HNRNPUL1: variants seen among roughly 807,000 people sequenced by gnomAD.
The protein encoded by HNRNPUL1 is heterogeneous nuclear ribonucleoprotein U-like protein 1.
HNRNPUL1 carries 14 observed loss-of-function variants against 108.5 expected under a neutral mutation model. The ratio of observed to expected loss-of-function variants is 0.13; its 90% CI spans 0.09 to 0.20. The LOEUF (loss-of-function observed/expected upper bound fraction) is 0.20, where lower values mean the gene tolerates loss of function less well. HNRNPUL1 is among the 10% of genes least tolerant of loss of function. The pLI, the probability that HNRNPUL1 is intolerant of heterozygous loss-of-function variation, is 1.00. For missense variants in HNRNPUL1, 804 were observed against 1,168.3 expected (o/e 0.69, Z 4.55); for synonymous variants, 422 against 445.2 (o/e 0.95, Z 0.66).
chr19:41,288,189 C>T (rs1246102284), intron 7 of HNRNPUL1, among the ~76,000 whole-genome samples: 1 of 112,730 alleles, frequency 8.9e-6, no homozygotes, highest in Non-Finnish European at 1.8e-5. Flanking sequence ...CCCACTGGTA[C>T]TCGGGGTTTC....
chr19:41,280,930 T>C (rs1472293528), intron 6 of HNRNPUL1: 2 of 489,762 alleles, frequency 4.1e-6, no homozygotes, highest in Non-Finnish European at 3.7e-6. Flanking sequence ...TGCAGAGTTA[T>C]TCAGTTGAGC....
intron 7 of HNRNPUL1, among the ~76,000 whole-genome samples, chr19:41,282,885 G>A (rs1486635458): frequency 3.3e-5 from 5 of 150,994 alleles, no homozygotes; most frequent in African/African-American, 1.2e-4. Context: ...TAGTAGAGAC[G>A]GGGTTTCACC....
intron 7 of HNRNPUL1, among the ~76,000 whole-genome samples, chr19:41,281,914 C>G (rs1460260292): frequency 6.6e-6 from 1 of 152,182 alleles, no homozygotes; most frequent in Non-Finnish European, 1.5e-5. Context: ...TCAGTTCCCT[C>G]TAAATGAGAA....
In HNRNPUL1 at chr19:41,272,209, G is replaced by T; in HGVS notation, c.546G>T (p.Gly182=). ...CTTATGAAGAAAACCGGGGACGGGG[G>T]TACTTTGAGCACCGAGAGGATAGGA... is the stretch of plus-strand genomic sequence containing the variant. ...KRPYEENRGR[G]YFEHREDRRG... The change falls in exon 3 of 15, where the codon GGG becomes GGT. Residue 182 remains glycine (G), a synonymous_variant. Transcript: ENST00000392006. 1 of 1,613,874 alleles carries T rather than the reference G, an allele frequency of 6.2e-7. No individual in the cohort carries two copies. The highest frequency in any genetic ancestry group is 8.5e-7 in the Non-Finnish European group (1 of 1,179,946).
rs536359509 is a variant in HNRNPUL1 at position 41,270,166 on chromosome 19, A to G, written c.418+1821A>G. Among the ~76,000 whole-genome samples, 309 of 152,146 alleles carry G rather than the reference A, an allele frequency of 2.0e-3. 3 individuals carry two copies. Among genetic ancestry groups the G allele is most frequent in the African/African-American group, 7.0e-3 (291 of 41,514 alleles). The stretch of plus-strand genomic sequence containing the variant: ...CCTGGCTAATTTTTGTATTTTCAGT[A>G]GTGACGGGGTTTTACCATGTTGGCC... On this transcript the variant is annotated intron_variant, in intron 2 of 14. Coordinates refer to ENST00000392006, the MANE Select transcript of HNRNPUL1 (RefSeq NM_007040.6).
intron 10 of HNRNPUL1, among the ~76,000 whole-genome samples, chr19:41,301,306 A>G (rs2037197497): frequency 6.6e-6 from 1 of 152,238 alleles, no homozygotes. Context: ...AGTCCCAACC[A>G]TTAGGAATCC....
intron 13 of HNRNPUL1, 116 bp downstream of exon 13, chr19:41,304,377 A>C: frequency 6.7e-7 from 1 of 1,485,522 alleles, no homozygotes; most frequent in Non-Finnish European, 9.0e-7. Flanking sequence ...ACTGGTCTTC[A>C]CTCTAACCTC....
chr19:41,299,249 G>A (rs566601254), intron 10 of HNRNPUL1, among the ~76,000 whole-genome samples: 1 of 152,120 alleles, frequency 6.6e-6, no homozygotes, highest in Admixed American at 6.5e-5. Flanking sequence ...ATCCTCCTTC[G>A]TGAGGGTAGG....
At chr19:41,305,254 A>G (rs1042649861) in intron 13 of HNRNPUL1, among the ~76,000 whole-genome samples, 2 of 152,202 alleles carry the variant, frequency 1.3e-5, no homozygotes, top group East Asian at 3.8e-4. Flanking sequence ...AATTGCCACT[A>G]CTGTTTCTCA....
chr19:41,279,099 A>T lies in HNRNPUL1; in HGVS notation c.809A>T (p.Lys270Met). 2 of 1,614,006 alleles carry T rather than the reference A, an allele frequency of 1.2e-6. No homozygotes were observed. The highest frequency in any genetic ancestry group is 1.7e-6 in the Non-Finnish European group (2 of 1,179,978). ...CAGATCAATGAGGAAATCTCCGTGA[A>T]GCACCTTCCGTCTACAGAGCCTGAC... Reference protein sequence around the residue: ...EMKINEEISVKHLPSTEPDPH... With the variant: ...EMKINEEISVMHLPSTEPDPH... Residue 270 changes from lysine to methionine, a missense_variant, in exon 6 of 15, where the codon AAG (lysine) becomes ATG (methionine). Physicochemically the swap from Lys to Met is moderately conservative, Grantham distance 95. This residue lies in a region of HNRNPUL1 where 174 missense variants were observed against 296.6 expected (regional missense o/e 0.59). Transcript: ENST00000392006.
chr19:41,263,822 A>G (rs2034635751), upstream of HNRNPUL1, among the ~76,000 whole-genome samples: 1 of 152,156 alleles, frequency 6.6e-6, no homozygotes, highest in Non-Finnish European at 1.5e-5. Flanking sequence ...GATTGTTTTG[A>G]AACCGCCCTA....
chr19:41,306,599 C>A lies in HNRNPUL1; in HGVS notation c.*34C>A. On this transcript the variant is annotated 3_prime_UTR_variant, in exon 15 of 15. Transcript: ENST00000392006. ...ACCCAGAGGCTCCCGGAGGCCCCTGCCGGCTTCCTCCACCAGCGCCTGCCT... is the reference window on the plus strand; with the variant it reads ...ACCCAGAGGCTCCCGGAGGCCCCTGACGGCTTCCTCCACCAGCGCCTGCCT... The A allele has an allele frequency of 7.4e-7, 1 of 1,354,508 alleles. No individual in the cohort carries two copies. Among genetic ancestry groups the A allele is most frequent in the Non-Finnish European group, 9.9e-7 (1 of 1,007,514 alleles). The allele number at this position is 1,354,508 out of a possible 1,614,324, so 83.9% of individuals were successfully genotyped here.
chr19:41,294,537 C>T lies in HNRNPUL1; in HGVS notation c.1390-21C>T, dbSNP rs752557666. ...GCCCTGCAACTAAAATCACTCACCC[C>T]TCACCAATTCCTGCCCGCAGGTGAT... On this transcript the variant is annotated intron_variant, in intron 9 of 14. Coordinates refer to ENST00000392006, the MANE Select transcript of HNRNPUL1 (RefSeq NM_007040.6). This position sits in a 1 kb window ranked among gnomAD's most constrained non-coding sequence, Gnocchi z 4.3. 6.2e-7 allele frequency: 1 copy of T among 1,614,002 alleles called. No individual in the cohort carries two copies. Among genetic ancestry groups the T allele is most frequent in the Non-Finnish European group, 8.5e-7 (1 of 1,179,874 alleles).
chr19:41,295,117 G>A (rs1475353121), intron 10 of HNRNPUL1, among the ~76,000 whole-genome samples: 1 of 152,194 alleles, frequency 6.6e-6, no homozygotes, highest in Non-Finnish European at 1.5e-5. Flanking sequence ...CTGGCACTTA[G>A]TAGCTGGTGA....
In HNRNPUL1 at chr19:41,274,137, G is replaced by C. The variant is rs915715795; in HGVS notation, c.646+82G>C. 3 of 1,094,840 alleles carry C rather than the reference G, an allele frequency of 2.7e-6. No homozygotes were observed. The Admixed American group carries it at 5.1e-5, about 19-fold the overall frequency. The allele number at this position is 1,094,840 out of a possible 1,614,324, so 67.8% of individuals were successfully genotyped here. ...GGTCTTGACCTTCACCAGAATCCCT[G>C]CTGGGCACCGTCCAAAGACATTGTT... On this transcript the variant is annotated intron_variant, in intron 4 of 14. Transcript: ENST00000392006.
intron 2 of HNRNPUL1, among the ~76,000 whole-genome samples, chr19:41,269,481 A>G (rs1218826841): frequency 1.2e-5 from 1 of 83,206 alleles, no homozygotes; most frequent in Non-Finnish European, 2.3e-5. Flanking sequence ...CCCTGTCACG[A>G]AAAAAAAAAA....
chr19:41,305,999 G>T, intron 14 of HNRNPUL1, 132 bp downstream of exon 14: 2 of 650,594 alleles, frequency 3.1e-6, no homozygotes, highest in Non-Finnish European at 5.4e-6. Flanking sequence ...CGTTCATCTG[G>T]TGCAGCCATT....
At chr19:41,293,700 A>G (rs1352773408) in intron 8 of HNRNPUL1, among the ~76,000 whole-genome samples, 1 of 152,218 alleles carries the variant, frequency 6.6e-6, no homozygotes, top group Non-Finnish European at 1.5e-5. Context: ...AATGGGTCAC[A>G]TAATCCTGTA....
At chr19:41,279,227 C>T (rs2035762345) in intron 6 of HNRNPUL1, 51 bp downstream of exon 6, 3 of 1,318,910 alleles carry the variant, frequency 2.3e-6, no homozygotes, top group Admixed American at 1.7e-5. Context: ...CTGTCCCTAC[C>T]CTTGGATTTT....
Sources: allele counts gnomAD v4.1 joint callset (sites outside exome capture counted in the v4.1 genomes callset), GRCh38; gene constraint gnomAD v4.1.1; regional missense constraint gnomAD v4.1.1; non-coding constraint Gnocchi (gnomAD v3.1); transcripts MANE v1.5; gene names NCBI Gene and HGNC (gene_info 2026-07-23, HGNC 2026-07-21).